The following NPIPB11 variants were observed in gnomAD, a reference collection of about 807,000 sequenced individuals.
The protein encoded by NPIPB11 is nuclear pore complex interacting protein family member B11, also known as nuclear pore complex-interacting protein family member B11.
A neutral mutation model predicts 32.8 loss-of-function variants in NPIPB11; 17 were observed. The ratio of observed to expected loss-of-function variants is 0.52; its 90% CI spans 0.35 to 0.78. NPIPB11 has a LOEUF of 0.78. Among genes scored for constraint, NPIPB11 ranks in the 30% least tolerant of loss-of-function variants. The pLI is 0.01. For synonymous variants in NPIPB11, 209 were observed against 398.4 expected, an observed-to-expected ratio of 0.52 and a Z score of 5.66; for missense variants, 537 against 1,000.4, an observed-to-expected ratio of 0.54 and a Z score of 6.25.
chr16:29,392,055 T>C (rs949717786), intron 3 of NPIPB11, among the ~76,000 whole-genome samples: 1 of 151,908 alleles, frequency 6.6e-6, no homozygotes, highest in African/African-American at 2.4e-5. Flanking sequence ...TAGAATTTGT[T>C]TTTTCCTGAT....
chr16:29,402,435 T>A (rs377648588), intron 2 of NPIPB11, among the ~76,000 whole-genome samples: 1 of 109,598 alleles, frequency 9.1e-6, no homozygotes, highest in Non-Finnish European at 1.8e-5. Context: ...CCGGGTGCAG[T>A]GGCTCACACC....
At chr16:29,390,767 C>A (rs1029950701) in intron 3 of NPIPB11, among the ~76,000 whole-genome samples, 10 of 151,490 alleles carry the variant, frequency 6.6e-5, no homozygotes, top group African/African-American at 2.2e-4. Flanking sequence ...AGTTTGAGAC[C>A]AGCCTCACCA....
At chr16:29,402,716 C>CTG (rs1309802130) in intron 2 of NPIPB11, among the ~76,000 whole-genome samples, 4 of 127,666 alleles carry the variant, frequency 3.1e-5, no homozygotes, top group Non-Finnish European at 6.4e-5. Context: ...CTCTCTCTCT[C>CTG]TCTCTCTCTG....
rs765233796 is a variant in NPIPB11, at chr16:29,382,977, A to G, written c.1955T>C (p.Phe652Ser). The G allele has an allele frequency of 2.4e-5, 38 of 1,589,918 alleles. No homozygotes were observed. The Admixed American group carries it at 6.4e-4, about 27-fold the overall frequency. ...CTGCTGAGGGTGGAGCTGAGGGTGG[A>G]AGGGGAGTGAGCTGACGCTCGGAAG... Residue 652 changes from phenylalanine (F) to serine (S), a missense_variant, in exon 8 of 8, where the codon TTC becomes TCC. Physicochemically the swap from Phe to Ser is radical, Grantham distance 155. Transcript: ENST00000524087.
chr16:29,395,993 A>C (rs1406794350), intron 2 of NPIPB11, among the ~76,000 whole-genome samples: 1 of 150,476 alleles, frequency 6.6e-6, no homozygotes, highest in Admixed American at 6.6e-5. Flanking sequence ...AAAAAAAAAA[A>C]TTACCAAGGT....
intron 3 of NPIPB11, among the ~76,000 whole-genome samples, chr16:29,392,367 A>G (rs1449391165): frequency 6.6e-5 from 10 of 151,608 alleles, no homozygotes; most frequent in African/African-American, 1.7e-4. Flanking sequence ...TCCAAGTCCA[A>G]CAGCTCAACT....
intron 2 of NPIPB11, chr16:29,397,558 G>T: frequency 1.3e-6 from 2 of 1,527,320 alleles, no homozygotes; most frequent in Non-Finnish European, 1.8e-6. Context: ...AGGGTCCAGC[G>T]TCTACTCACA....
chr16:29,392,044 G>T (rs1963735258), intron 3 of NPIPB11, among the ~76,000 whole-genome samples: 1 of 151,848 alleles, frequency 6.6e-6, no homozygotes, highest in Non-Finnish European at 1.5e-5. Context: ...CAAATTCTTT[G>T]TAGAATTTGT....
rs1963534588 is a variant in NPIPB11, at chr16:29,383,183, AG to A, written c.1748del (p.Pro583LeufsTer14). 6.3e-7 allele frequency: 1 copy of A among 1,591,890 alleles called. No individual in the cohort carries two copies. The highest frequency in any genetic ancestry group is 8.5e-7 in the Non-Finnish European group (1 of 1,172,038). ...GGAAGCGGAACTGCAGATGCTCGGCAGGTGTCTTGATATTATCATCTGCTGA... is the reference window on the plus strand; with the variant it reads ...GGAAGCGGAACTGCAGATGCTCGGCAGTGTCTTGATATTATCATCTGCTGA... On this transcript the variant is annotated frameshift_variant, in exon 8 of 8. Coordinates refer to ENST00000524087, the Ensembl canonical transcript of NPIPB11. LOFTEE classifies it low-confidence loss of function (END_TRUNC).
intron 3 of NPIPB11, 117 bp from the exon 4 acceptor site, chr16:29,390,465 C>T: frequency 6.6e-7 from 1 of 1,514,798 alleles, no homozygotes; most frequent in Non-Finnish European, 9.0e-7. Flanking sequence ...CCAGCCTGGC[C>T]AAGATGGTGA....
Position 29,383,214 on chromosome 16 carries a change from G to A in NPIPB11, c.1718C>T (p.Pro573Leu), listed in dbSNP as rs1000672527. The stretch of plus-strand genomic sequence containing the variant: ...CTTGATATTATCATCTGCTGAGGGT[G>A]GAGCTGAGGGTGGAAGGGGAGTGAG... Residue 573 changes from proline (P) to leucine (L), a missense_variant, in exon 8 of 8, where the codon CCA becomes CTA. Physicochemically the swap from Pro to Leu is moderately conservative, Grantham distance 98. Coordinates refer to ENST00000524087, the Ensembl canonical transcript of NPIPB11. 3.2e-6 allele frequency: 5 copies of A among 1,566,508 alleles called. No homozygotes were observed. The African/African-American group carries it at 6.9e-5, about 22-fold the overall frequency.
chr16:29,402,141 C>A (rs974788200), intron 2 of NPIPB11, among the ~76,000 whole-genome samples: 4 of 148,014 alleles, frequency 2.7e-5, no homozygotes, highest in Non-Finnish European at 3.0e-5. Context: ...GCTATACCAT[C>A]TCAGGTTGCA....
At chr16:29,396,941 A>T (rs1237864571) in intron 2 of NPIPB11, among the ~76,000 whole-genome samples, 1 of 151,842 alleles carries the variant, frequency 6.6e-6, no homozygotes, top group Non-Finnish European at 1.5e-5. Flanking sequence ...CGAGGTCAAG[A>T]GATGGAGACT....
upstream of NPIPB11, among the ~76,000 whole-genome samples, chr16:29,405,371 A>G (rs1409296034): frequency 6.6e-6 from 1 of 152,082 alleles, no homozygotes; most frequent in African/African-American, 2.4e-5. Context: ...GCCATGATTC[A>G]TGGTCTTGGG....
At position 29,392,238 on chromosome 16, in the gene NPIPB11, T is replaced by C. The variant is rs186737706; in HGVS notation, c.249+1710A>G. Among the ~76,000 whole-genome samples, 4 of 152,146 alleles carry C rather than the reference T, an allele frequency of 2.6e-5. No homozygotes were observed. In the East Asian group the frequency reaches 7.7e-4, roughly 29 times the overall value. ...GAGAAATGTCAAACACATGAAGAAA[T>C]GACAAGCAAGGAAATGCCATCATGC... On this transcript the variant is annotated intron_variant, in intron 3 of 7. Coordinates refer to ENST00000524087, the Ensembl canonical transcript of NPIPB11.
At chr16:29,400,802 C>A (rs1256792705) in intron 2 of NPIPB11, among the ~76,000 whole-genome samples, 1 of 152,080 alleles carries the variant, frequency 6.6e-6, no homozygotes, top group Non-Finnish European at 1.5e-5. Flanking sequence ...GGAGCATCAG[C>A]AGTACAGGCA....
At chr16:29,397,102 C>T (rs1392503835) in intron 2 of NPIPB11, among the ~76,000 whole-genome samples, 132 of 148,976 alleles carry the variant, frequency 8.9e-4, no homozygotes, top group East Asian at 4.9e-3. Flanking sequence ...ACCCCGGAAG[C>T]GGAGGTTGCA....
In NPIPB11 at chr16:29,402,722, C is replaced by CTGTG. The variant is rs1245633106; in HGVS notation, c.120+960_120+961insCACA. 4.5e-3 allele frequency among the ~76,000 whole-genome samples: 514 copies of CTGTG among 113,706 alleles called. 1 individual carries two copies. Among genetic ancestry groups the CTGTG allele is most frequent in the East Asian group, 0.017 (61 of 3,574 alleles). The allele number at this position is 113,706 out of a possible 152,430, so 74.6% of individuals were successfully genotyped here. On this transcript the variant is annotated intron_variant, in intron 2 of 7. Coordinates refer to ENST00000524087, the Ensembl canonical transcript of NPIPB11. ...TGTCTCTCTCTCTCTCTCTCTCTCT[C>CTGTG]TCTGTGTGTGTGTGTGTGTGTGTGT...
intron 2 of NPIPB11, among the ~76,000 whole-genome samples, chr16:29,396,959 C>A (rs1051424879): frequency 6.6e-6 from 1 of 151,840 alleles, no homozygotes; most frequent in South Asian, 2.1e-4. Context: ...ACTATCCTGG[C>A]GAACATGGTG....
Sources: allele counts gnomAD v4.1 joint callset (sites outside exome capture counted in the v4.1 genomes callset), GRCh38; gene constraint gnomAD v4.1.1; transcripts MANE v1.5; gene names NCBI Gene and HGNC (gene_info 2026-07-23, HGNC 2026-07-21).